Variants in ST3GAL6 observed in about 807,000 individuals in gnomAD.
ST3GAL6 encodes the protein type 2 lactosamine alpha-2,3-sialyltransferase.
In ST3GAL6, 31 loss-of-function variants were observed where a neutral mutation model predicts 40.5. That is an observed-to-expected ratio of 0.77 (90% confidence interval 0.58 to 1.03). ST3GAL6 has a LOEUF of 1.03. ST3GAL6 is among the 50% of genes least tolerant of loss of function. The pLI, the probability that ST3GAL6 is intolerant of heterozygous loss-of-function variation, is 0.00. For synonymous variants in ST3GAL6, 129 were observed against 136.9 expected, an observed-to-expected ratio of 0.94 and a Z score of 0.40; for missense variants, 357 against 393.2, an observed-to-expected ratio of 0.91 and a Z score of 0.78.
chr3:98,733,584 G>C (rs1935250539), intron 1 of ST3GAL6: 1 of 985,368 alleles, frequency 1.0e-6, no homozygotes, highest in Non-Finnish European at 1.2e-6. Flanking sequence ...TTAGGAGAAA[G>C]GAGGACGGTG....
intron 1 of ST3GAL6, among the ~76,000 whole-genome samples, chr3:98,748,163 GA>G (rs1195511652): frequency 3.3e-5 from 5 of 152,182 alleles, no homozygotes; most frequent in Non-Finnish European, 5.9e-5. Context: ...AAAATTAACA[GA>G]ATGAATTTTG....
intron 1 of ST3GAL6, among the ~76,000 whole-genome samples, chr3:98,764,320 A>T (rs892229040): frequency 6.6e-6 from 1 of 152,178 alleles, no homozygotes; most frequent in African/African-American, 2.4e-5. Context: ...GTCTAAAAAA[A>T]AACCTGACAT....
At chr3:98,735,647 C>G (rs1194383444) in intron 1 of ST3GAL6, among the ~76,000 whole-genome samples, 1 of 152,176 alleles carries the variant, frequency 6.6e-6, no homozygotes, top group Non-Finnish European at 1.5e-5. Flanking sequence ...CATCCCCACC[C>G]TCACAGTTGA....
chr3:98,763,452 C>G lies in ST3GAL6; in HGVS notation c.-12+13C>G. On this transcript the variant is annotated intron_variant, in intron 1 of 9. Transcript: ENST00000483910. Reference sequence around the variant, plus strand: ...TAAAGGTATGGAGGTGAGCCATGAACAAGGTTACCTGCTTAAGGGGAAGGT... The same window carrying G: ...TAAAGGTATGGAGGTGAGCCATGAAGAAGGTTACCTGCTTAAGGGGAAGGT... The G allele has an allele frequency of 3.1e-6, 4 of 1,289,550 alleles. No individual in the cohort carries two copies. Among genetic ancestry groups the G allele is most frequent in the Non-Finnish European group, 4.0e-6 (4 of 988,760 alleles). The allele number at this position is 1,289,550 out of a possible 1,614,324, so 79.9% of individuals were successfully genotyped here. A position where few individuals can be genotyped will look rare whatever the true frequency, so the allele number is the denominator to read the frequency against.
chr3:98,769,235 GA>G (rs1383524526), intron 2 of ST3GAL6, among the ~76,000 whole-genome samples: 3 of 152,112 alleles, frequency 2.0e-5, no homozygotes, highest in Admixed American at 2.0e-4. Context: ...CTTACTTGAT[GA>G]AAAAAAGCTG....
At chr3:98,781,584 C>A (rs982949916) in intron 5 of ST3GAL6, among the ~76,000 whole-genome samples, 15 of 152,032 alleles carry the variant, frequency 9.9e-5, no homozygotes, top group African/African-American at 3.6e-4. Context: ...TGGTGGTATG[C>A]TGGTGGCTTG....
chr3:98,788,789 C>T (rs924853146), intron 8 of ST3GAL6, among the ~76,000 whole-genome samples: 17 of 152,118 alleles, frequency 1.1e-4, no homozygotes, highest in South Asian at 2.1e-4. Flanking sequence ...GGTGGGCTGA[C>T]GGGCAGGCTT....
intron 5 of ST3GAL6, among the ~76,000 whole-genome samples, chr3:98,780,920 G>A (rs866902822): frequency 2.0e-5 from 3 of 152,276 alleles, no homozygotes; most frequent in African/African-American, 2.4e-5. Context: ...AACTGACCAC[G>A]TCTAAGACTG....
At chr3:98,743,000 C>CT (rs71120599) in intron 1 of ST3GAL6, among the ~76,000 whole-genome samples, 11,648 of 89,346 alleles carry the variant, frequency 0.13, 1,071 homozygotes, top group Middle Eastern at 0.14. Flanking sequence ...ATGCCAGGCT[C>CT]TTTTTTTTTT....
At chr3:98,793,213 A>G (rs562427855) in intron 9 of ST3GAL6, among the ~76,000 whole-genome samples, 1 of 152,372 alleles carries the variant, frequency 6.6e-6, no homozygotes, top group Non-Finnish European at 1.5e-5. Context: ...AGAGCAGAAT[A>G]TTAAAACAAC....
At position 98,778,882 on chromosome 3, in the gene ST3GAL6, T is replaced by C. The variant is rs144640974; in HGVS notation, c.335+4899T>C. 1.4e-3 allele frequency among the ~76,000 whole-genome samples: 207 copies of C among 152,356 alleles called. 1 individual carries two copies. Among genetic ancestry groups the C allele is most frequent in the African/African-American group, 4.5e-3 (188 of 41,584 alleles). ...CGTGGACATTTATTATCTCCTGTATTGCGTAGACATGTGGATTCAGGTCTG... is the reference window on the plus strand; with the variant it reads ...CGTGGACATTTATTATCTCCTGTATCGCGTAGACATGTGGATTCAGGTCTG... On this transcript the variant is annotated intron_variant, in intron 5 of 9. Transcript: ENST00000483910.
rs1378662961 is a variant in ST3GAL6, at chr3:98,786,507, A to C, written c.431+1467A>C. 2.0e-5 allele frequency among the ~76,000 whole-genome samples: 3 copies of C among 152,120 alleles called. No individual in the cohort carries two copies. In the East Asian group the frequency reaches 5.8e-4, roughly 29 times the overall value. On this transcript the variant is annotated intron_variant, in intron 6 of 9. Transcript: ENST00000483910. ...GCTCATTGACACTCCCAATAAAAGC[A>C]GGCTTAGAGGCGTGATGTGGCAAGA... is the stretch of plus-strand genomic sequence containing the variant.
Position 98,784,977 on chromosome 3 carries a change from A to G in ST3GAL6, c.368A>G (p.Asn123Ser), listed in dbSNP as rs772077693. 34 of 1,550,738 alleles carry G rather than the reference A, an allele frequency of 2.2e-5. No homozygotes were observed. Among genetic ancestry groups the G allele is most frequent in the Non-Finnish European group, 2.0e-5 (23 of 1,139,872 alleles). The change falls in exon 6 of 10, where the codon AAT becomes AGT. Residue 123 changes from asparagine to serine, a missense_variant. Asn to Ser is a conservative substitution (Grantham distance 46). Transcript: ENST00000483910. Reference sequence around the variant, plus strand: ...TGTAAAAAGTGTGTGGTGGTTGGTAATGGAGGAGTTTTGAAGAATAAGACA... The same window carrying G: ...TGTAAAAAGTGTGTGGTGGTTGGTAGTGGAGGAGTTTTGAAGAATAAGACA... ...IPCKKCVVVG[N>S]GGVLKNKTLG...
chr3:98,738,946 A>G (rs2107267210), intron 1 of ST3GAL6, among the ~76,000 whole-genome samples: 1 of 152,324 alleles, frequency 6.6e-6, no homozygotes, highest in Non-Finnish European at 1.5e-5. Flanking sequence ...AACCACACAA[A>G]TGGATATAAA....
At chr3:98,734,921 C>T (rs1024807876) in intron 1 of ST3GAL6, among the ~76,000 whole-genome samples, 16 of 152,110 alleles carry the variant, frequency 1.1e-4, no homozygotes, top group Non-Finnish European at 1.6e-4. Context: ...CCATGTTTCC[C>T]GCATTTCCCT....
intron 1 of ST3GAL6, chr3:98,732,749 GCTGCTCCCTCCT>G (rs1935133327): frequency 9.1e-7 from 1 of 1,095,246 alleles, no homozygotes; most frequent in Non-Finnish European, 1.2e-6. Flanking sequence ...TCCGGGCAGG[GCTGCTCCCTCCT>G]CTGCTCCCCC....
At chr3:98,754,639 G>T (rs771481034) in intron 1 of ST3GAL6, among the ~76,000 whole-genome samples, 2 of 152,206 alleles carry the variant, frequency 1.3e-5, no homozygotes, top group Non-Finnish European at 2.9e-5. Flanking sequence ...ATGGTACGGA[G>T]AAATATTTTG....
chr3:98,762,508 A>G (rs145884968), upstream of ST3GAL6, among the ~76,000 whole-genome samples: 3,339 of 152,244 alleles, frequency 0.022, 49 homozygotes, highest in Non-Finnish European at 0.033. Flanking sequence ...ATTATGGTCT[A>G]TTGAGAATTT....
chr3:98,763,168 A>G (rs1299070249), upstream of ST3GAL6: 1 of 1,196,528 alleles, frequency 8.4e-7, no homozygotes, highest in Non-Finnish European at 1.1e-6. Flanking sequence ...GGCTGGACCA[A>G]AAAAAATCTA....
Sources: allele counts gnomAD v4.1 joint callset (sites outside exome capture counted in the v4.1 genomes callset), GRCh38; gene constraint gnomAD v4.1.1; transcripts MANE v1.5; gene names NCBI Gene and HGNC (gene_info 2026-07-23, HGNC 2026-07-21).